The following PRKCH variants were observed in gnomAD, a reference collection of about 807,000 sequenced individuals.
PRKCH encodes protein kinase C eta type.
A neutral mutation model predicts 82.5 loss-of-function variants in PRKCH; 28 were observed. The ratio of observed to expected loss-of-function variants is 0.34; its 90% confidence interval spans 0.25 to 0.47. The LOEUF is 0.47. Among genes scored for constraint, PRKCH ranks in the 20% least tolerant of loss-of-function variants. The pLI, the probability that PRKCH is intolerant of heterozygous loss-of-function variation, is 1.00. For synonymous variants in PRKCH, 322 were observed against 327.4 expected (o/e 0.98, Z 0.18); for missense variants, 705 against 881.8 (o/e 0.80, Z 2.54).
At chr14:61,438,633 C>T (rs1293567308) in intron 2 of PRKCH, among the ~76,000 whole-genome samples, 2 of 152,174 alleles carry the variant, frequency 1.3e-5, no homozygotes, top group Non-Finnish European at 2.9e-5. Context: ...TACAGAATCA[C>T]AGCAACCGAG....
chr14:61,416,239 A>G (rs1238631825), intron 2 of PRKCH, among the ~76,000 whole-genome samples: 1 of 151,118 alleles, frequency 6.6e-6, no homozygotes, highest in African/African-American at 2.4e-5. Flanking sequence ...TATTTTTTGT[A>G]GAGACAGGAT....
At chr14:61,329,773 C>T (rs2045757531) in intron 1 of PRKCH, among the ~76,000 whole-genome samples, 1 of 152,166 alleles carries the variant, frequency 6.6e-6, no homozygotes, top group African/African-American at 2.4e-5. Flanking sequence ...CCTAGTGTTC[C>T]CTCAGTATCC....
intron 2 of PRKCH, among the ~76,000 whole-genome samples, chr14:61,424,563 A>G (rs1268044749): frequency 1.3e-5 from 2 of 152,214 alleles, no homozygotes; most frequent in Non-Finnish European, 2.9e-5. Context: ...TGAACTTGAG[A>G]GAGATGATCT....
intron 10 of PRKCH, among the ~76,000 whole-genome samples, chr14:61,497,931 G>C (rs1886740687): frequency 6.6e-6 from 1 of 152,044 alleles, no homozygotes; most frequent in Non-Finnish European, 1.5e-5. Flanking sequence ...GGTAATATAG[G>C]TGATTTTTAT....
At chr14:61,513,425 C>T (rs965676052) in intron 10 of PRKCH, among the ~76,000 whole-genome samples, 2 of 151,926 alleles carry the variant, frequency 1.3e-5, no homozygotes, top group African/African-American at 2.4e-5. Context: ...GGAGCACAGG[C>T]GGAGAGACAC....
intron 1 of PRKCH, among the ~76,000 whole-genome samples, chr14:61,198,511 A>C (rs1959670): frequency 0.35 from 53,750 of 152,000 alleles, 10,293 homozygotes; most frequent in African/African-American, 0.49. Context: ...CGTTCGTGAC[A>C]TTTGTTCATT....
chr14:61,450,799 G>A (rs1343754035), intron 5 of PRKCH, 43 bp from the exon 6 acceptor site: 2 of 1,600,072 alleles, frequency 1.2e-6, no homozygotes. Context: ...AAGGACATTG[G>A]TATGACATTT....
chr14:61,427,471 G>C (rs1883166626), intron 2 of PRKCH, among the ~76,000 whole-genome samples: 1 of 152,300 alleles, frequency 6.6e-6, no homozygotes, highest in Non-Finnish European at 1.5e-5. Context: ...TTATGTTAAA[G>C]AGATTCTTTA....
rs1239667523 is a variant in PRKCH at position 61,352,385 on chromosome 14, G to A, written c.363+29921G>A. Among the ~76,000 whole-genome samples, 6 of 152,076 alleles carry A rather than the reference G, an allele frequency of 3.9e-5. No individual in the cohort carries two copies. In the South Asian group the frequency reaches 8.3e-4, roughly 21 times the overall value. ...CAGAAAGATGTCCCAGATATAGGCC[G>A]GGCGTGGTGGCTCATGCCTGTGATC... is the stretch of plus-strand genomic sequence containing the variant. On this transcript the variant is annotated intron_variant, in intron 1 of 13. Coordinates refer to ENST00000332981, the MANE Select transcript of PRKCH (RefSeq NM_006255.5).
chr14:61,399,905 G>A (rs759360495), intron 2 of PRKCH, among the ~76,000 whole-genome samples: 1 of 152,072 alleles, frequency 6.6e-6, no homozygotes. Context: ...GAAAAAAAAG[G>A]CCTTTTACTT....
intron 1 of PRKCH, among the ~76,000 whole-genome samples, chr14:61,190,801 T>C (rs561879488): frequency 1.1e-4 from 16 of 152,226 alleles, no homozygotes; most frequent in Admixed American, 6.5e-4. Context: ...ATATGTCACT[T>C]CCTCAGAGAT....
At chr14:61,284,359 G>A (rs752923887) in intron 1 of PRKCH, among the ~76,000 whole-genome samples, 13 of 152,224 alleles carry the variant, frequency 8.5e-5, no homozygotes, top group African/African-American at 2.9e-4. Context: ...TCTGAAAGGC[G>A]AAGAAAATGA....
intron 10 of PRKCH, among the ~76,000 whole-genome samples, chr14:61,519,037 C>G (rs947917479): frequency 6.6e-5 from 10 of 152,122 alleles, no homozygotes; most frequent in Non-Finnish European, 1.0e-4. Context: ...AATCCCAGCT[C>G]TTTGGAAGGC....
At chr14:61,432,971 C>T (rs1403973142) in intron 2 of PRKCH, among the ~76,000 whole-genome samples, 6 of 138,970 alleles carry the variant, frequency 4.3e-5, no homozygotes, top group East Asian at 2.1e-4. Context: ...CATAAGTATA[C>T]GTGTACCATG....
chr14:61,380,107 G>A (rs957924450), intron 1 of PRKCH, among the ~76,000 whole-genome samples: 6 of 151,934 alleles, frequency 3.9e-5, no homozygotes, highest in Non-Finnish European at 7.4e-5. Flanking sequence ...TGGGCTCTCC[G>A]GGGTGCAGTG....
Position 61,550,836 on chromosome 14 carries a change from A to C in PRKCH, c.*1005A>C, listed in dbSNP as rs1442549415. ...TTTATTTATGTTTTAAGATGCAAAGATGTGTGTTTGATATTCACTTTAATA... is the reference window on the plus strand; with the variant it reads ...TTTATTTATGTTTTAAGATGCAAAGCTGTGTGTTTGATATTCACTTTAATA... On this transcript the variant is annotated 3_prime_UTR_variant, in exon 14 of 14. Coordinates refer to ENST00000332981, the MANE Select transcript of PRKCH (RefSeq NM_006255.5). The C allele has an allele frequency of 1.3e-5, 2 of 152,240 alleles. No individual in the cohort carries two copies. The highest frequency in any genetic ancestry group is 4.8e-5 in the African/African-American group (2 of 41,454). 9.4% of individuals were successfully genotyped at this position (152,240 alleles called of 1,614,324 possible). A position where few individuals can be genotyped will look rare whatever the true frequency, so the allele number is the denominator to read the frequency against.
At chr14:61,398,204 C>T (rs991689740) in intron 2 of PRKCH, among the ~76,000 whole-genome samples, 17 of 152,164 alleles carry the variant, frequency 1.1e-4, no homozygotes, top group Non-Finnish European at 2.2e-4. Flanking sequence ...TGAAACAGCC[C>T]TGGATTTTTA....
At position 61,538,515 on chromosome 14, in the gene PRKCH, C is replaced by A. The variant is rs149577656; in HGVS notation, c.1761+7920C>A. ...TTGTAAGTTTCCTAAGGTTGGAAGT[C>A]CTTACATTTTGATAGCAGTGTAAAG... On this transcript the variant is annotated intron_variant, in intron 12 of 13. Coordinates refer to ENST00000332981, the MANE Select transcript of PRKCH (RefSeq NM_006255.5). Among the ~76,000 whole-genome samples the A allele has an allele frequency of 8.5e-5, 13 of 152,294 alleles. No individual in the cohort carries two copies. In the East Asian group the frequency reaches 2.5e-3, roughly 29 times the overall value.
chr14:61,246,060 T>C (rs146248398), intron 1 of PRKCH, among the ~76,000 whole-genome samples: 2 of 152,270 alleles, frequency 1.3e-5, no homozygotes, highest in Non-Finnish European at 1.5e-5. Context: ...CTGCTATTCA[T>C]TGGACAAATA....
Sources: allele counts gnomAD v4.1 joint callset (sites outside exome capture counted in the v4.1 genomes callset), GRCh38; gene constraint gnomAD v4.1.1; transcripts MANE v1.5; gene names NCBI Gene and HGNC (gene_info 2026-07-23, HGNC 2026-07-21).